NCAM1: variants seen among roughly 807,000 people sequenced by gnomAD.
The protein encoded by NCAM1 is neural cell adhesion molecule 1.
A neutral mutation model predicts 109.8 loss-of-function variants in NCAM1; 14 were observed. That is an observed-to-expected ratio of 0.13 (90% CI 0.08 to 0.20). NCAM1 has a LOEUF of 0.20. NCAM1 is among the 10% of genes least tolerant of loss of function. The pLI, the probability that NCAM1 is intolerant of heterozygous loss-of-function variation, is 1.00. For synonymous variants in NCAM1, 418 were observed against 442.9 expected, an observed-to-expected ratio of 0.94 and a Z score of 0.70; for missense variants, 774 against 1,109.9, an observed-to-expected ratio of 0.70 and a Z score of 4.30.
intron 1 of NCAM1, among the ~76,000 whole-genome samples, chr11:113,191,488 A>G (rs1943671921): frequency 6.6e-6 from 1 of 152,166 alleles, no homozygotes. Context: ...TTATAGAAAT[A>G]TATACTTAAG....
intron 17 of NCAM1, chr11:113,269,774 T>G (rs1946225105): frequency 1.7e-5 from 4 of 239,194 alleles, no homozygotes; most frequent in Admixed American, 5.1e-5. Context: ...CCCTGAGCAC[T>G]TGAGGAGCCA....
Position 113,150,843 on chromosome 11 carries a change from G to A in NCAM1, c.53-51536G>A, listed in dbSNP as rs183584601. On this transcript the variant is annotated intron_variant, in intron 1 of 19. Transcript: ENST00000316851. ...TTCAGGATAGAATATCATCAGACTA[G>A]GAAGAAGGGGAAAGATGAGCTGGGC... Among the ~76,000 whole-genome samples the A allele has an allele frequency of 1.4e-4, 21 of 152,230 alleles. No homozygotes were observed. The East Asian group carries it at 2.9e-3, about 21-fold the overall frequency.
At chr11:113,190,987 C>T (rs1259650676) in intron 1 of NCAM1, among the ~76,000 whole-genome samples, 3 of 152,160 alleles carry the variant, frequency 2.0e-5, no homozygotes, top group Admixed American at 6.5e-5. Flanking sequence ...GGGGCAGAAC[C>T]AGTCACAATT....
At chr11:113,006,396 G>GT (rs1951894634) in intron 1 of NCAM1, among the ~76,000 whole-genome samples, 2 of 152,256 alleles carry the variant, frequency 1.3e-5, no homozygotes, top group East Asian at 3.9e-4. Flanking sequence ...CTTTCAGGTT[G>GT]TTTTTAATTT....
In NCAM1 at chr11:113,033,588, T is replaced by TA. The variant is rs1231640185; in HGVS notation, c.52+71931dup. On this transcript the variant is annotated intron_variant, in intron 1 of 19. Coordinates refer to ENST00000316851, the MANE Select transcript of NCAM1 (RefSeq NM_181351.5). ...AATAGTGGCTATTCTTCAGAGGATT[T>TA]AAAAAAATCATGTGAATTAAAGGTT... 8.5e-5 allele frequency among the ~76,000 whole-genome samples: 13 copies of TA among 152,228 alleles called. 1 individual carries two copies. Among genetic ancestry groups the TA allele is most frequent in the Admixed American group, 2.6e-4 (4 of 15,284 alleles).
At chr11:113,226,113 C>T (rs1277052275) in intron 9 of NCAM1, among the ~76,000 whole-genome samples, 1 of 152,206 alleles carries the variant, frequency 6.6e-6, no homozygotes, top group Non-Finnish European at 1.5e-5. Flanking sequence ...GGGCTAAATA[C>T]TCCAATTAAA....
At chr11:113,181,516 C>T (rs1591392933) in intron 1 of NCAM1, among the ~76,000 whole-genome samples, 1 of 152,054 alleles carries the variant, frequency 6.6e-6, no homozygotes, top group African/African-American at 2.4e-5. Context: ...TGGGGCCTGT[C>T]GGAGTGGAGG....
chr11:112,989,544 G>A (rs1432217786), intron 1 of NCAM1, among the ~76,000 whole-genome samples: 1 of 151,956 alleles, frequency 6.6e-6, no homozygotes, highest in African/African-American at 2.4e-5. Context: ...TTGTCTAATT[G>A]TATTGTTTTG....
chr11:113,205,984 C>A, intron 4 of NCAM1, 59 bp from the exon 5 acceptor site: 2 of 1,600,818 alleles, frequency 1.2e-6, no homozygotes, highest in Non-Finnish European at 1.7e-6. Context: ...GACTCAGCCA[C>A]CTGCCTGCAG....
intron 1 of NCAM1, among the ~76,000 whole-genome samples, chr11:113,064,115 G>C (rs1937820177): frequency 6.6e-6 from 1 of 152,222 alleles, no homozygotes; most frequent in African/African-American, 2.4e-5. Context: ...TGGGAAGTCT[G>C]ACTTCCTTCC....
chr11:113,262,779 C>T (rs1946045320), intron 17 of NCAM1: 5 of 1,554,242 alleles, frequency 3.2e-6, no homozygotes, highest in Admixed American at 1.8e-5. Context: ...ACTGGGACAT[C>T]CCCACTGCCA....
intron 1 of NCAM1, among the ~76,000 whole-genome samples, chr11:113,131,147 T>C (rs1555098243): frequency 6.6e-6 from 1 of 152,212 alleles, no homozygotes; most frequent in African/African-American, 2.4e-5. Flanking sequence ...ATCCAAGATA[T>C]TCCAGCTGCT....
intron 1 of NCAM1, among the ~76,000 whole-genome samples, chr11:112,964,727 T>C (rs1396191239): frequency 1.3e-5 from 2 of 152,214 alleles, no homozygotes; most frequent in Admixed American, 6.5e-5. Flanking sequence ...ATAAAGGCTA[T>C]ATAAGAATGT....
chr11:113,190,868 AC>A (rs1210951997), intron 1 of NCAM1, among the ~76,000 whole-genome samples: 1 of 152,156 alleles, frequency 6.6e-6, no homozygotes, highest in Admixed American at 6.5e-5. Flanking sequence ...AATCCCTTTA[AC>A]ATGGACACTC....
intron 7 of NCAM1, among the ~76,000 whole-genome samples, chr11:113,210,295 C>G (rs1424440749): frequency 6.6e-6 from 1 of 152,124 alleles, no homozygotes; most frequent in Admixed American, 6.5e-5. Flanking sequence ...CCTCATCACG[C>G]CCCTATGATG....
intron 1 of NCAM1, among the ~76,000 whole-genome samples, chr11:113,010,221 C>A (rs1952011707): frequency 6.6e-6 from 1 of 151,970 alleles, no homozygotes; most frequent in Non-Finnish European, 1.5e-5. Context: ...AATTGCAGAC[C>A]CTTTTTATAT....
intron 14 of NCAM1, among the ~76,000 whole-genome samples, chr11:113,245,001 A>C (rs1247086038): frequency 6.6e-6 from 1 of 152,192 alleles, no homozygotes; most frequent in Non-Finnish European, 1.5e-5. Context: ...CTGGCCTCTT[A>C]AATTTAAGGT....
At chr11:113,041,781 C>G (rs147925705) in intron 1 of NCAM1, among the ~76,000 whole-genome samples, 1 of 152,144 alleles carries the variant, frequency 6.6e-6, no homozygotes, top group Non-Finnish European at 1.5e-5. Context: ...TTCCACTGCT[C>G]CTCCCATGGG....
intron 15 of NCAM1, among the ~76,000 whole-genome samples, chr11:113,247,739 A>G (rs1591456477): frequency 6.6e-6 from 1 of 152,244 alleles, no homozygotes; most frequent in African/African-American, 2.4e-5. Flanking sequence ...GTCCACGCCA[A>G]TAAATTGGGC....
Sources: allele counts gnomAD v4.1 joint callset (sites outside exome capture counted in the v4.1 genomes callset), GRCh38; gene constraint gnomAD v4.1.1; transcripts MANE v1.5; gene names NCBI Gene and HGNC (gene_info 2026-07-23, HGNC 2026-07-21).